Variants in PDGFD observed in about 807,000 individuals in gnomAD.
PDGFD encodes platelet-derived growth factor D.
A neutral mutation model predicts 44.7 loss-of-function variants in PDGFD; 30 were observed. That is an observed-to-expected ratio of 0.67 (90% CI 0.50 to 0.91). PDGFD has a LOEUF of 0.91. Among genes scored for constraint, PDGFD ranks in the 40% least tolerant of loss-of-function variants. The probability of loss-of-function intolerance (pLI) is 0.00; values close to 1 mark genes in which losing one functional copy is unlikely to be tolerated. For synonymous variants in PDGFD, 173 were observed against 168.4 expected, an observed-to-expected ratio of 1.03 and a Z score of -0.21; for missense variants, 445 against 457.8, an observed-to-expected ratio of 0.97 and a Z score of 0.25.
At chr11:104,138,576 G>A (rs1480484416) in intron 1 of PDGFD, among the ~76,000 whole-genome samples, 1 of 152,162 alleles carries the variant, frequency 6.6e-6, no homozygotes, top group East Asian at 1.9e-4. Flanking sequence ...ACAATCTCAG[G>A]CCCATCTTGG....
chr11:104,093,998 T>TTCCA (rs1861247743), intron 1 of PDGFD, among the ~76,000 whole-genome samples: 1 of 151,794 alleles, frequency 6.6e-6, no homozygotes, highest in Non-Finnish European at 1.5e-5. Flanking sequence ...GCCTGCCTTA[T>TTCCA]CATTCCACAT....
chr11:103,996,519 T>C (rs1424078183), intron 2 of PDGFD, among the ~76,000 whole-genome samples: 2 of 152,194 alleles, frequency 1.3e-5, no homozygotes, highest in East Asian at 1.9e-4. Flanking sequence ...TTTCTGAGCA[T>C]CTGGTTTTAG....
intron 3 of PDGFD, among the ~76,000 whole-genome samples, chr11:103,968,542 T>C (rs1030293568): frequency 1.6e-4 from 24 of 152,128 alleles, no homozygotes; most frequent in African/African-American, 9.7e-5. Flanking sequence ...AGTAAAATAT[T>C]CCCAAATTAA....
chr11:103,989,939 T>C (rs1859425918), intron 3 of PDGFD, among the ~76,000 whole-genome samples: 1 of 152,048 alleles, frequency 6.6e-6, no homozygotes, highest in African/African-American at 2.4e-5. Flanking sequence ...TAATATACTA[T>C]AGAATAATAA....
chr11:103,989,273 GT>G (rs1859416043), intron 3 of PDGFD, among the ~76,000 whole-genome samples: 1 of 152,194 alleles, frequency 6.6e-6, no homozygotes, highest in African/African-American at 2.4e-5. Flanking sequence ...TAGAATATTT[GT>G]GAAATAGTGA....
intron 1 of PDGFD, among the ~76,000 whole-genome samples, chr11:104,104,788 TG>T (rs1861449252): frequency 6.6e-6 from 1 of 152,162 alleles, no homozygotes; most frequent in Non-Finnish European, 1.5e-5. Context: ...GAAACTTCTC[TG>T]AAGAAGATTC....
chr11:104,137,795 G>A (rs1394904121), intron 1 of PDGFD, among the ~76,000 whole-genome samples: 2 of 125,502 alleles, frequency 1.6e-5, no homozygotes, highest in Non-Finnish European at 3.2e-5. Flanking sequence ...TCTGTCTGGA[G>A]TTCTGTCCGA....
At chr11:103,984,642 A>G (rs1859325490) in intron 3 of PDGFD, among the ~76,000 whole-genome samples, 1 of 151,374 alleles carries the variant, frequency 6.6e-6, no homozygotes, top group South Asian at 2.1e-4. Context: ...CTTTTTGTTT[A>G]CATTTCTACA....
intron 1 of PDGFD, among the ~76,000 whole-genome samples, chr11:104,127,488 A>T (rs1280632985): frequency 6.6e-6 from 1 of 152,142 alleles, no homozygotes; most frequent in Non-Finnish European, 1.5e-5. Flanking sequence ...CTGGATTCGA[A>T]CCTGGTTTGA....
At chr11:104,119,078 TATATA>T (rs1403402775) in intron 1 of PDGFD, among the ~76,000 whole-genome samples, 6 of 4,116 alleles carry the variant, frequency 1.5e-3, no homozygotes, top group Admixed American at 6.3e-3. Context: ...ATTGGTATAA[TATATA>T]ATATATTGAT....
intron 3 of PDGFD, among the ~76,000 whole-genome samples, chr11:103,969,696 C>T (rs1305915674): frequency 6.6e-6 from 1 of 151,868 alleles, no homozygotes; most frequent in Non-Finnish European, 1.5e-5. Context: ...TTTGACTCTG[C>T]TAACAGAGTT....
intron 1 of PDGFD, among the ~76,000 whole-genome samples, chr11:104,118,915 T>C (rs1176485337): frequency 2.2e-5 from 2 of 88,912 alleles, no homozygotes; most frequent in African/African-American, 9.2e-5. Context: ...GTATATTATA[T>C]ACATAATATA....
chr11:104,024,378 C>G (rs1317149227), intron 1 of PDGFD, among the ~76,000 whole-genome samples: 1 of 152,130 alleles, frequency 6.6e-6, no homozygotes, highest in East Asian at 1.9e-4. Flanking sequence ...CAAGGAACCA[C>G]AGTGAGTTGA....
At chr11:103,910,204 T>C (rs1232680502) in intron 6 of PDGFD, among the ~76,000 whole-genome samples, 2 of 152,226 alleles carry the variant, frequency 1.3e-5, no homozygotes, top group Non-Finnish European at 2.9e-5. Flanking sequence ...TACTTGAGCA[T>C]ATTATTAGCA....
chr11:103,999,275 T>C (rs994229707), intron 2 of PDGFD, among the ~76,000 whole-genome samples: 1 of 151,994 alleles, frequency 6.6e-6, no homozygotes, highest in Non-Finnish European at 1.5e-5. Flanking sequence ...AGTAGTTCAT[T>C]GGCAATGCAG....
At chr11:104,005,878 A>G (rs1435443215) in intron 1 of PDGFD, among the ~76,000 whole-genome samples, 1 of 152,206 alleles carries the variant, frequency 6.6e-6, no homozygotes, top group Non-Finnish European at 1.5e-5. Flanking sequence ...GAGAGGAAAT[A>G]ATTTTTATGT....
In PDGFD at chr11:104,000,351, C is replaced by T. The variant is rs898228288; in HGVS notation, c.125-96G>A. 5.9e-5 allele frequency: 63 copies of T among 1,071,042 alleles called. No individual in the cohort carries two copies. The East Asian group carries it at 7.9e-4, about 13-fold the overall frequency. The allele number at this position is 1,071,042 out of a possible 1,614,324, so 66.3% of individuals were successfully genotyped here. A position where few individuals can be genotyped will look rare whatever the true frequency, so the allele number is the denominator to read the frequency against. On this transcript the variant is annotated intron_variant, in intron 1 of 6. Coordinates refer to ENST00000393158, the MANE Select transcript of PDGFD (RefSeq NM_025208.5). ...GTTTACAACACATCATACTTCAAAA[C>T]ACTTCTTTATTTTGCCTAAAAACAT...
chr11:104,057,475 G>A (rs1383584469), intron 1 of PDGFD, among the ~76,000 whole-genome samples: 1 of 127,032 alleles, frequency 7.9e-6, no homozygotes, highest in Non-Finnish European at 1.6e-5. Context: ...GCTAAACACT[G>A]GATACTCATG....
chr11:103,928,800 TG>T (rs1256724987), intron 5 of PDGFD, among the ~76,000 whole-genome samples: 20 of 152,340 alleles, frequency 1.3e-4, no homozygotes, highest in African/African-American at 4.3e-4. Flanking sequence ...ATTTTATTGC[TG>T]CTAAAGCCCT....
Sources: gnomAD v4.1 joint callset for allele counts (sites outside exome capture counted in the v4.1 genomes callset) on GRCh38, gnomAD v4.1.1 for gene constraint, MANE v1.5 for transcripts, NCBI Gene and HGNC (gene_info 2026-07-23, HGNC 2026-07-21) for gene names.